TCOF1: variants seen among roughly 807,000 people sequenced by gnomAD.
TCOF1 encodes treacle ribosome biogenesis factor 1.
In TCOF1, 33 loss-of-function variants were observed where a neutral mutation model predicts 149.0. The ratio of observed to expected loss-of-function variants is 0.22; its 90% CI spans 0.17 to 0.30. The LOEUF is 0.30. Among genes scored for constraint, TCOF1 ranks in the 10% least tolerant of loss-of-function variants. The probability of loss-of-function intolerance (pLI) is 1.00; values close to 1 mark genes in which losing one functional copy is unlikely to be tolerated. For missense variants in TCOF1, 1,728 were observed against 1,840.7 expected (o/e 0.94, Z 1.12); for synonymous variants, 789 against 738.8 (o/e 1.07, Z -1.10).
chr5:150,378,142 A>G (rs1023399514), intron 14 of TCOF1, among the ~76,000 whole-genome samples: 5 of 152,060 alleles, frequency 3.3e-5, no homozygotes, highest in Non-Finnish European at 1.5e-5. Flanking sequence ...ATTTGACCTC[A>G]TGTGTTTGAG....
At chr5:150,368,984 G>A in intron 5 of TCOF1, 82 bp downstream of exon 5, 2 of 1,553,522 alleles carry the variant, frequency 1.3e-6, no homozygotes, top group Non-Finnish European at 1.8e-6. Flanking sequence ...TAAGTTCTGG[G>A]ACATTTCTGG....
intron 1 of TCOF1, among the ~76,000 whole-genome samples, chr5:150,359,541 G>A (rs1759534682): frequency 6.6e-6 from 1 of 152,154 alleles, no homozygotes; most frequent in Non-Finnish European, 1.5e-5. Context: ...TTTGCCCTGT[G>A]GTGTAGGCTC....
chr5:150,384,604 A>G (rs1011910304), intron 17 of TCOF1: 2 of 985,364 alleles, frequency 2.0e-6, no homozygotes, highest in Non-Finnish European at 2.4e-6. Context: ...GGGGTGGACT[A>G]ACACAATTAA....
At chr5:150,389,710 A>G (rs1767019818) in intron 18 of TCOF1, among the ~76,000 whole-genome samples, 177 bp from the exon 19 acceptor site, 1 of 152,270 alleles carries the variant, frequency 6.6e-6, no homozygotes, top group African/African-American at 2.4e-5. Flanking sequence ...GTCAAATGAC[A>G]TAATGACATC....
intron 6 of TCOF1, among the ~76,000 whole-genome samples, chr5:150,370,357 AG>A (rs1310204857): frequency 6.6e-6 from 1 of 152,172 alleles, no homozygotes; most frequent in Non-Finnish European, 1.5e-5. Context: ...GTGCTTTTAA[AG>A]AACATTGATC....
At chr5:150,358,926 A>G (rs1477691743) in intron 1 of TCOF1, among the ~76,000 whole-genome samples, 1 of 151,442 alleles carries the variant, frequency 6.6e-6, no homozygotes, top group African/African-American at 2.4e-5. Flanking sequence ...TTGTGTACAC[A>G]CTGGCCTGGA....
intron 21 of TCOF1, 23 bp downstream of exon 21, chr5:150,392,199 A>C (rs1231139025): frequency 6.2e-7 from 1 of 1,611,056 alleles, no homozygotes; most frequent in Non-Finnish European, 8.5e-7. Context: ...GGGGAAAGGC[A>C]AGGGTGGGCC....
At position 150,389,878 on chromosome 5, in the gene TCOF1, C is replaced by T. The variant is rs778690387; in HGVS notation, c.3047-9C>T. The T allele has an allele frequency of 3.7e-6, 6 of 1,614,208 alleles. No individual in the cohort carries two copies. In the South Asian group the frequency reaches 6.6e-5, roughly 18 times the overall value. On this transcript the variant is annotated splice_polypyrimidine_tract_variant and intron_variant, in intron 18 of 26. Coordinates refer to ENST00000643257, the MANE Select transcript of TCOF1 (RefSeq NM_001371623.1). Reference sequence around the variant, plus strand: ...TGCCCTGATGTGCCCCCATCTCGCTCCATTTCAGGCATCAGAACCAATGTG... The same window carrying T: ...TGCCCTGATGTGCCCCCATCTCGCTTCATTTCAGGCATCAGAACCAATGTG...
At chr5:150,399,768 GGGTC>G (rs1769401865) in intron 26 of TCOF1, 38 bp from the exon 27 acceptor site, 2 of 153,954 alleles carry the variant, frequency 1.3e-5, no homozygotes, top group Non-Finnish European at 2.9e-5. Context: ...CAGGGGAAAA[GGGTC>G]AGGAAATTTG....
At chr5:150,361,281 G>A (rs1049331881) in intron 2 of TCOF1, 70 bp downstream of exon 2, 1 of 1,575,648 alleles carries the variant, frequency 6.3e-7, no homozygotes, top group Non-Finnish European at 8.7e-7. Context: ...AATAAGCTGG[G>A]ATACCTATCT....
chr5:150,381,510 A>T (rs1243558697), intron 17 of TCOF1, among the ~76,000 whole-genome samples: 6 of 152,334 alleles, frequency 3.9e-5, no homozygotes, highest in South Asian at 4.1e-4. Context: ...AAGGCCCCTC[A>T]GTGTGTGCAG....
In TCOF1 at chr5:150,384,987, C is replaced by T. The variant is rs139849001; in HGVS notation, c.2860-2915C>T. The T allele has an allele frequency of 7.3e-5, 72 of 985,384 alleles. No individual in the cohort carries two copies. In the African/African-American group the frequency reaches 1.2e-3, roughly 16 times the overall value. The allele number at this position is 985,384 out of a possible 1,614,324, so 61.0% of individuals were successfully genotyped here. ...CTCCATTCCTAGACCCCTCACTGTG[C>T]CTCCGCCCTGTTGTGCAGAGTAGAC... On this transcript the variant is annotated intron_variant, in intron 17 of 26. Coordinates refer to ENST00000643257, the MANE Select transcript of TCOF1 (RefSeq NM_001371623.1).
At chr5:150,371,846 T>C (rs1339029854) in intron 6 of TCOF1, among the ~76,000 whole-genome samples, 160 bp from the exon 7 acceptor site, 1 of 152,216 alleles carries the variant, frequency 6.6e-6, no homozygotes, top group South Asian at 2.1e-4. Context: ...TGTGTACTTT[T>C]CTGGAAAATG....
At chr5:150,370,774 C>G (rs1240639494) in intron 6 of TCOF1, among the ~76,000 whole-genome samples, 3 of 152,148 alleles carry the variant, frequency 2.0e-5, no homozygotes, top group African/African-American at 7.2e-5. Flanking sequence ...TGAACCCAGC[C>G]TGAGCAACAT....
chr5:150,369,650 C>T, intron 6 of TCOF1, 48 bp downstream of exon 6: 1 of 1,601,774 alleles, frequency 6.2e-7, no homozygotes, highest in Non-Finnish European at 8.5e-7. Context: ...GCCTCTAACC[C>T]TTCCAGGAAC....
chr5:150,384,241 C>T, intron 17 of TCOF1: 1 of 993,116 alleles, frequency 1.0e-6, no homozygotes, highest in Non-Finnish European at 1.2e-6. Context: ...AAGTAAAGAA[C>T]AACCACCACC....
Position 150,393,359 on chromosome 5 carries a change from T to C in TCOF1, c.3604-13T>C. 1 of 1,613,878 alleles carries C rather than the reference T, an allele frequency of 6.2e-7. No individual in the cohort carries two copies. The highest frequency in any genetic ancestry group is 8.5e-7 in the Non-Finnish European group (1 of 1,179,920). ...GGGGTGGTGGCAGCCTCTTTCACAA[T>C]GGGCTTCTTCAGTCTCTCCTCTCAG... On this transcript the variant is annotated splice_polypyrimidine_tract_variant and intron_variant, in intron 22 of 26. Transcript: ENST00000643257.
intron 3 of TCOF1, among the ~76,000 whole-genome samples, chr5:150,364,475 G>T (rs1478121323): frequency 2.6e-5 from 4 of 152,192 alleles, no homozygotes; most frequent in African/African-American, 9.7e-5. Flanking sequence ...AACCAGATGG[G>T]CCCTTCCAGT....
chr5:150,363,067 G>C (rs1239630632), intron 2 of TCOF1, among the ~76,000 whole-genome samples: 1 of 152,098 alleles, frequency 6.6e-6, no homozygotes, highest in East Asian at 1.9e-4. Flanking sequence ...TAGACACAGT[G>C]CTCCATATAA....
Sources: gnomAD v4.1 joint callset for allele counts (sites outside exome capture counted in the v4.1 genomes callset) on GRCh38, gnomAD v4.1.1 for gene constraint, MANE v1.5 for transcripts, NCBI Gene and HGNC (gene_info 2026-07-23, HGNC 2026-07-21) for gene names.